TTC17: variants seen among roughly 807,000 people sequenced by gnomAD.
TTC17 encodes tetratricopeptide repeat domain 17, also known as tetratricopeptide repeat protein 17.
In TTC17, 58 loss-of-function variants were observed where a neutral mutation model predicts 143.8. The ratio of observed to expected loss-of-function variants is 0.40; its 90% confidence interval spans 0.33 to 0.50. The LOEUF is 0.50. Among genes scored for constraint, TTC17 ranks in the 20% least tolerant of loss-of-function variants. The pLI, the probability that TTC17 is intolerant of heterozygous loss-of-function variation, is 0.49. For synonymous variants in TTC17, 501 were observed against 497.8 expected, an observed-to-expected ratio of 1.01 and a Z score of -0.09; for missense variants, 1,273 against 1,392.5, an observed-to-expected ratio of 0.91 and a Z score of 1.37.
Position 43,451,166 on chromosome 11 carries a change from TCTTC to T in TTC17, c.2947-6_2947-3del. On this transcript the variant is annotated splice_polypyrimidine_tract_variant and intron_variant, in intron 20 of 23. Coordinates refer to ENST00000039989, the MANE Select transcript of TTC17 (RefSeq NM_018259.6). ...TCGTTTTCATTCTTCTAATCTACTA[TCTTC>T]CTTCCTTCCAGGTATTACAAAATCT... is the stretch of plus-strand genomic sequence containing the variant. 1 of 1,611,392 alleles carries T rather than the reference TCTTC, an allele frequency of 6.2e-7. No individual in the cohort carries two copies. The highest frequency in any genetic ancestry group is 8.5e-7 in the Non-Finnish European group (1 of 1,177,696).
At chr11:43,482,202 CT>C (rs896571158) in intron 21 of TTC17, among the ~76,000 whole-genome samples, 18 of 150,990 alleles carry the variant, frequency 1.2e-4, no homozygotes, top group African/African-American at 4.4e-4. Context: ...TTGTAATTTC[CT>C]TGTCTTCCGC....
In TTC17 at chr11:43,407,482, C is replaced by T. The variant is rs777648718; in HGVS notation, c.1969C>T (p.Pro657Ser). The change falls in exon 15 of 24, where the codon CCT (proline) becomes TCT (serine). Residue 657 changes from proline (P) to serine (S), a missense_variant. This residue lies in a region of TTC17 where 878 missense variants were observed against 899.8 expected (regional missense o/e 0.98). Coordinates refer to ENST00000039989, the MANE Select transcript of TTC17 (RefSeq NM_018259.6). ...NLAPLQYQDV[P>S]LVNLANLLIH... ...AGCTCCACTTCAATACCAAGATGTT[C>T]CTCTTGTCAACTTGGCCAACCTTTT... is the stretch of plus-strand genomic sequence containing the variant. 5.6e-6 allele frequency: 9 copies of T among 1,613,902 alleles called. No individual in the cohort carries two copies. The highest frequency in any genetic ancestry group is 7.6e-6 in the Non-Finnish European group (9 of 1,179,982).
chr11:43,407,009 T>C, intron 13 of TTC17, 129 bp from the exon 14 acceptor site: 1 of 630,442 alleles, frequency 1.6e-6, no homozygotes, highest in Non-Finnish European at 2.7e-6. Context: ...GTCATATATA[T>C]GATCATAAAT....
At chr11:43,398,166 T>G in intron 8 of TTC17, 53 bp downstream of exon 8, 3 of 1,602,134 alleles carry the variant, frequency 1.9e-6, no homozygotes, top group Non-Finnish European at 1.7e-6. Context: ...AACCTTAGGT[T>G]AAATCTGTGT....
intron 22 of TTC17, 33 bp downstream of exon 22, chr11:43,490,391 C>T: frequency 6.4e-7 from 1 of 1,571,328 alleles, no homozygotes; most frequent in Non-Finnish European, 8.7e-7. Flanking sequence ...GAACTTCTGC[C>T]CCTTTGTCCT....
chr11:43,468,680 A>C (rs1260481888), intron 21 of TTC17, among the ~76,000 whole-genome samples: 1 of 152,178 alleles, frequency 6.6e-6, no homozygotes, highest in East Asian at 1.9e-4. Context: ...GACACCTCCA[A>C]TCCCATCACC....
chr11:43,369,100 A>G (rs1365360487), intron 1 of TTC17, among the ~76,000 whole-genome samples: 1 of 152,232 alleles, frequency 6.6e-6, no homozygotes, highest in East Asian at 1.9e-4. Context: ...GTCTTGATCC[A>G]GCTTTTCACT....
chr11:43,413,097 T>C (rs1441150483), intron 15 of TTC17, among the ~76,000 whole-genome samples: 1 of 151,814 alleles, frequency 6.6e-6, no homozygotes, highest in Non-Finnish European at 1.5e-5. Flanking sequence ...AGATTTACTA[T>C]AATTAAAAGA....
rs1564989119 is a variant in TTC17, at chr11:43,493,940, C to G, written c.*36C>G. 2.0e-6 allele frequency: 3 copies of G among 1,524,038 alleles called. No homozygotes were observed. The highest frequency in any genetic ancestry group is 2.6e-6 in the Non-Finnish European group (3 of 1,135,838). 94.4% of individuals were successfully genotyped at this position (1,524,038 alleles called of 1,614,324 possible). ...CCTTCTCTCTTTCTCTTTACTCATG[C>G]TCTAAAAAAAAAGAATAAGAAAAGA... is the stretch of plus-strand genomic sequence containing the variant. On this transcript the variant is annotated 3_prime_UTR_variant, in exon 24 of 24. Coordinates refer to ENST00000039989, the MANE Select transcript of TTC17 (RefSeq NM_018259.6).
At chr11:43,365,830 GA>G (rs1324346430) in intron 1 of TTC17, among the ~76,000 whole-genome samples, 39 of 152,162 alleles carry the variant, frequency 2.6e-4, no homozygotes, top group African/African-American at 9.4e-4. Flanking sequence ...CATAGTCTAA[GA>G]AATTCAGTTT....
intron 16 of TTC17, among the ~76,000 whole-genome samples, chr11:43,440,081 A>G (rs901461486): frequency 6.6e-6 from 1 of 152,248 alleles, no homozygotes; most frequent in African/African-American, 2.4e-5. Context: ...TCTTGCTTCA[A>G]GCATAATTTG....
Position 43,417,575 on chromosome 11 carries a change from C to A in TTC17, c.2251+2799C>A, listed in dbSNP as rs545351129. On this transcript the variant is annotated intron_variant, in intron 16 of 23. Transcript: ENST00000039989. Reference sequence around the variant, plus strand: ...TGTTGGCCAGGCATGGTGGCTCATGCCTGTAATCCCAGCACTTTGGGAGAC... The same window carrying A: ...TGTTGGCCAGGCATGGTGGCTCATGACTGTAATCCCAGCACTTTGGGAGAC... Among the ~76,000 whole-genome samples the A allele has an allele frequency of 5.3e-5, 8 of 152,270 alleles. No homozygotes were observed. The East Asian group carries it at 1.5e-3, about 29-fold the overall frequency.
intron 10 of TTC17, among the ~76,000 whole-genome samples, chr11:43,402,376 A>G (rs1332753579): frequency 6.6e-6 from 1 of 152,216 alleles, no homozygotes; most frequent in Non-Finnish European, 1.5e-5. Flanking sequence ...GAAAATCTTT[A>G]TTAAGCCCAC....
chr11:43,469,292 A>G (rs1453142355), intron 21 of TTC17, among the ~76,000 whole-genome samples: 1 of 152,220 alleles, frequency 6.6e-6, no homozygotes, highest in East Asian at 1.9e-4. Context: ...TAATATGATT[A>G]TTTTGGAAAA....
intron 16 of TTC17, among the ~76,000 whole-genome samples, chr11:43,425,795 A>G (rs1947015107): frequency 6.6e-6 from 1 of 152,196 alleles, no homozygotes; most frequent in Non-Finnish European, 1.5e-5. Flanking sequence ...AGCAAAGTAT[A>G]TTTAATTATT....
chr11:43,404,686 C>T (rs1323778387), intron 11 of TTC17, among the ~76,000 whole-genome samples: 1 of 152,110 alleles, frequency 6.6e-6, no homozygotes, highest in African/African-American at 2.4e-5. Context: ...TTTTATTCAC[C>T]ATTAAATTTT....
chr11:43,433,571 CAGA>C (rs138490133), intron 16 of TTC17, among the ~76,000 whole-genome samples: 1 of 152,162 alleles, frequency 6.6e-6, no homozygotes, highest in Non-Finnish European at 1.5e-5. Context: ...TGAGGTCATG[CAGA>C]AGGAGTAATT....
chr11:43,486,321 C>T (rs1285099547), intron 21 of TTC17: 5 of 378,832 alleles, frequency 1.3e-5, no homozygotes, highest in Non-Finnish European at 2.2e-5. Context: ...TCAGTCCACA[C>T]GGGATGTGAA....
At chr11:43,381,618 A>T (rs1856972576) in intron 2 of TTC17, among the ~76,000 whole-genome samples, 2 of 152,238 alleles carry the variant, frequency 1.3e-5, no homozygotes, top group African/African-American at 4.8e-5. Flanking sequence ...ATCATCCAAT[A>T]GTTCAATAAT....
Sources: allele counts gnomAD v4.1 joint callset (sites outside exome capture counted in the v4.1 genomes callset), GRCh38; gene constraint gnomAD v4.1.1; regional missense constraint gnomAD v4.1.1; transcripts MANE v1.5; gene names NCBI Gene and HGNC (gene_info 2026-07-23, HGNC 2026-07-21).